The following R3HDM1 variants were observed in gnomAD, a reference collection of about 807,000 sequenced individuals.
The protein encoded by R3HDM1 is R3H domain containing 1, also known as R3H domain-containing protein 1.
R3HDM1 carries 46 observed loss-of-function variants against 141.1 expected under a neutral mutation model. The ratio of observed to expected loss-of-function variants is 0.33; its 90% confidence interval spans 0.26 to 0.42. The LOEUF (loss-of-function observed/expected upper bound fraction) is 0.42. Ranked by LOEUF, R3HDM1 falls within the 10% of genes least tolerant of loss-of-function variation. R3HDM1 has a pLI of 1.00. For synonymous variants in R3HDM1, 435 were observed against 472.9 expected (o/e 0.92, Z 1.04); for missense variants, 1,184 against 1,368.3 (o/e 0.87, Z 2.12).
intron 21 of R3HDM1, among the ~76,000 whole-genome samples, chr2:135,701,165 G>A (rs1353812025): frequency 2.0e-5 from 3 of 149,080 alleles, no homozygotes; most frequent in Non-Finnish European, 3.0e-5. Flanking sequence ...TGGGAGAATC[G>A]CTTGAGGCCA....
At chr2:135,544,038 C>T (rs1209884485) in intron 1 of R3HDM1, among the ~76,000 whole-genome samples, 1 of 152,178 alleles carries the variant, frequency 6.6e-6, no homozygotes, top group African/African-American at 2.4e-5. Flanking sequence ...TCTGTTTCTT[C>T]ATTTATAAAA....
At chr2:135,573,804 T>C (rs1021396188) in intron 1 of R3HDM1, among the ~76,000 whole-genome samples, 3 of 152,078 alleles carry the variant, frequency 2.0e-5, no homozygotes, top group African/African-American at 7.2e-5. Context: ...AAACAAATAA[T>C]TGGCAGGACT....
At chr2:135,714,943 A>G (rs553709758) in intron 23 of R3HDM1, among the ~76,000 whole-genome samples, 31 of 152,366 alleles carry the variant, frequency 2.0e-4, no homozygotes, top group African/African-American at 5.8e-4. Context: ...GTATTCTCTC[A>G]TGCAAAAGTA....
At chr2:135,668,534 T>C (rs1281545164) in intron 19 of R3HDM1, among the ~76,000 whole-genome samples, 3 of 152,160 alleles carry the variant, frequency 2.0e-5, no homozygotes, top group African/African-American at 7.2e-5. Context: ...TAAATGACAA[T>C]TTTAGTTGTG....
At chr2:135,652,980 A>T in intron 18 of R3HDM1, among the ~76,000 whole-genome samples, 1 of 149,926 alleles carries the variant, frequency 6.7e-6, no homozygotes, top group African/African-American at 2.5e-5. Flanking sequence ...ATTTCTTGGT[A>T]TTGGTAATTT....
At chr2:135,702,211 CA>C (rs370376726) in intron 21 of R3HDM1, among the ~76,000 whole-genome samples, 32 of 69,464 alleles carry the variant, frequency 4.6e-4, no homozygotes, top group South Asian at 1.6e-3. Context: ...GACGTTGTCT[CA>C]GGGGGAAAAA....
intron 21 of R3HDM1, among the ~76,000 whole-genome samples, chr2:135,686,527 G>T (rs2071370064): frequency 6.6e-6 from 1 of 152,172 alleles, no homozygotes; most frequent in South Asian, 2.1e-4. Context: ...CTCGAGCCCA[G>T]GAGTTTGAGA....
At chr2:135,642,857 T>G (rs1472919862) in intron 15 of R3HDM1, among the ~76,000 whole-genome samples, 1 of 152,210 alleles carries the variant, frequency 6.6e-6, no homozygotes, top group African/African-American at 2.4e-5. Flanking sequence ...AAGTATTAAA[T>G]TAGCATAAAT....
At chr2:135,620,359 GA>G in intron 5 of R3HDM1, 1 of 857,220 alleles carries the variant, frequency 1.2e-6, no homozygotes, top group Non-Finnish European at 1.4e-6. Flanking sequence ...AAGTGGGTTG[GA>G]AAATGAATCA....
At chr2:135,642,335 A>C (rs112834595) in intron 15 of R3HDM1, among the ~76,000 whole-genome samples, 5 of 152,286 alleles carry the variant, frequency 3.3e-5, no homozygotes, top group African/African-American at 1.2e-4. Context: ...TTGACAATAC[A>C]TATTCTTTGC....
At chr2:135,673,569 C>T (rs2068716054) in intron 19 of R3HDM1, among the ~76,000 whole-genome samples, 1 of 152,126 alleles carries the variant, frequency 6.6e-6, no homozygotes, top group South Asian at 2.1e-4. Context: ...TCTGCCTTTA[C>T]CTGCCTGTAA....
intron 25 of R3HDM1, 111 bp from the exon 26 acceptor site, chr2:135,722,358 G>T: frequency 9.1e-7 from 1 of 1,104,934 alleles, no homozygotes; most frequent in Non-Finnish European, 1.3e-6. Context: ...ATTTTCTTCT[G>T]CCAGAGTGCA....
rs191154486 is a variant in R3HDM1 at position 135,564,992 on chromosome 2, C to G, written c.-250+33359C>G. Among the ~76,000 whole-genome samples the G allele has an allele frequency of 2.6e-5, 4 of 152,292 alleles. No homozygotes were observed. In the East Asian group the frequency reaches 7.7e-4, roughly 29 times the overall value. Reference sequence around the variant, plus strand: ...TTTTTTGTTTCACCTAAAATGTCATCATCCTCTTCTGCTGCCAGTAAGTAC... The same window carrying G: ...TTTTTTGTTTCACCTAAAATGTCATGATCCTCTTCTGCTGCCAGTAAGTAC... On this transcript the variant is annotated intron_variant, in intron 1 of 26. Coordinates refer to ENST00000683871, the MANE Select transcript of R3HDM1 (RefSeq NM_001378107.1).
chr2:135,655,763 G>A (rs186524751), intron 18 of R3HDM1, among the ~76,000 whole-genome samples: 3,327 of 151,946 alleles, frequency 0.022, 50 homozygotes, highest in Middle Eastern at 0.037. Context: ...CAAAGTGCTG[G>A]GATTACAGAT....
At chr2:135,549,536 G>C (rs1301883544) in intron 1 of R3HDM1, among the ~76,000 whole-genome samples, 1 of 147,092 alleles carries the variant, frequency 6.8e-6, no homozygotes, top group Non-Finnish European at 1.5e-5. Context: ...ACTCCAGCCT[G>C]GGTGACAAGA....
At chr2:135,666,948 T>A in intron 19 of R3HDM1, 1 of 268,948 alleles carries the variant, frequency 3.7e-6, no homozygotes, top group Non-Finnish European at 5.7e-6. Flanking sequence ...AAAACTACCT[T>A]CACAGTGCTT....
intron 1 of R3HDM1, among the ~76,000 whole-genome samples, chr2:135,580,841 C>A (rs1295467182): frequency 6.6e-6 from 1 of 152,248 alleles, no homozygotes; most frequent in Admixed American, 6.5e-5. Context: ...CAGATCCACT[C>A]TTCCTAATGC....
At chr2:135,646,842 CAA>C (rs1189487483) in intron 16 of R3HDM1, among the ~76,000 whole-genome samples, 2 of 78,284 alleles carry the variant, frequency 2.6e-5, no homozygotes, top group Non-Finnish European at 2.5e-5. Flanking sequence ...GACTCCATCT[CAA>C]AAAAAAAAAA....
chr2:135,649,356 C>G (rs2064875929), intron 16 of R3HDM1: 2 of 152,036 alleles, frequency 1.3e-5, no homozygotes, highest in Admixed American at 1.3e-4. Context: ...TTACCCAGAG[C>G]TTTTTTCTTA....
Sources: gnomAD v4.1 joint callset for allele counts (sites outside exome capture counted in the v4.1 genomes callset) on GRCh38, gnomAD v4.1.1 for gene constraint, MANE v1.5 for transcripts, NCBI Gene and HGNC (gene_info 2026-07-23, HGNC 2026-07-21) for gene names.